Variants in ITPRID2 observed in about 807,000 individuals in gnomAD.
ITPRID2 encodes the protein ITPR interacting domain containing 2, also known as protein ITPRID2.
A neutral mutation model predicts 124.3 loss-of-function variants in ITPRID2; 60 were observed. The observed-to-expected ratio is 0.48, with a 90% confidence interval of 0.39 to 0.60. ITPRID2 has a LOEUF of 0.60. Ranked by LOEUF, ITPRID2 falls within the 20% of genes least tolerant of loss-of-function variation. The probability of loss-of-function intolerance (pLI) is 0.00; values close to 1 mark genes in which losing one functional copy is unlikely to be tolerated. For missense variants in ITPRID2, 1,553 were observed against 1,512.2 expected, an observed-to-expected ratio of 1.03 and a Z score of -0.45; for synonymous variants, 521 against 542.9, an observed-to-expected ratio of 0.96 and a Z score of 0.56.
In ITPRID2 at chr2:181,919,532, A is replaced by G; in HGVS notation, c.3144+86A>G. 1.4e-6 allele frequency: 2 copies of G among 1,405,916 alleles called. No individual in the cohort carries two copies. The highest frequency in any genetic ancestry group is 2.5e-5 in the East Asian group (1 of 40,766). 87.1% of individuals were successfully genotyped at this position (1,405,916 alleles called of 1,614,324 possible). A position where few individuals can be genotyped will look rare whatever the true frequency, so the allele number is the denominator to read the frequency against. On this transcript the variant is annotated intron_variant, in intron 14 of 17. Coordinates refer to ENST00000431877, the MANE Select transcript of ITPRID2 (RefSeq NM_001130445.3). The surrounding 1 kb of genome is among the most constrained non-coding windows in gnomAD (Gnocchi z 4.2). ...ATTTAGGACGTGTGCCTTCATTTCAAGTCATTTATTTTAATGGTATTAAAA... is the reference window on the plus strand; with the variant it reads ...ATTTAGGACGTGTGCCTTCATTTCAGGTCATTTATTTTAATGGTATTAAAA...
intron 9 of ITPRID2, among the ~76,000 whole-genome samples, chr2:181,913,268 C>A (rs913749275): frequency 1.2e-4 from 19 of 152,032 alleles, no homozygotes; most frequent in Non-Finnish European, 1.5e-5. Context: ...GGGCTTTTAC[C>A]GTGTTAGCCA....
intron 8 of ITPRID2, among the ~76,000 whole-genome samples, chr2:181,906,977 G>T (rs1415313695): frequency 6.6e-6 from 1 of 152,098 alleles, no homozygotes; most frequent in Admixed American, 6.5e-5. Context: ...ATTTTTTTGA[G>T]CTGTCATTAA....
At chr2:181,917,391 T>C (rs932801140) in intron 11 of ITPRID2, 1 of 152,234 alleles carries the variant, frequency 6.6e-6, no homozygotes, top group Non-Finnish European at 1.5e-5. Context: ...TCATGACAAT[T>C]GTCCCCTAAC....
chr2:181,913,732 A>G (rs1020734463), intron 9 of ITPRID2, 113 bp from the exon 10 acceptor site: 15 of 670,968 alleles, frequency 2.2e-5, no homozygotes, highest in Admixed American at 3.4e-5. Context: ...TGTGTATCTT[A>G]TATCTGCTGG....
rs1276791058 is a variant in ITPRID2, at chr2:181,915,502, T to C, written c.1862T>C (p.Ile621Thr). The change falls in exon 11 of 18, where the codon ATT (isoleucine) becomes ACT (threonine). Residue 621 changes from isoleucine (I) to threonine (T), a missense_variant. Ile to Thr is a moderately conservative substitution (Grantham distance 89, BLOSUM62 -1). Coordinates refer to ENST00000431877, the MANE Select transcript of ITPRID2 (RefSeq NM_001130445.3). The part of the protein sequence containing the change: ...TCSPGDHIIE[I>T]TEVEEDLFPA... The stretch of plus-strand genomic sequence containing the variant: ...AGTCCAGGGGATCATATCATTGAAA[T>C]TACTGAAGTGGAAGAGGATTTGTTT... 6.2e-7 allele frequency: 1 copy of C among 1,614,138 alleles called. No homozygotes were observed. The highest frequency in any genetic ancestry group is 8.5e-7 in the Non-Finnish European group (1 of 1,180,034).
Position 181,892,692 on chromosome 2 carries a change from G to C in ITPRID2, c.257+32G>C. The C allele has an allele frequency of 6.2e-7, 1 of 1,613,652 alleles. No homozygotes were observed. Among genetic ancestry groups the C allele is most frequent in the Non-Finnish European group, 8.5e-7 (1 of 1,179,810 alleles). ...GCTCCCTGGTCCGCCCGCGTCCCGG[G>C]GGAGATCCGTGCGGACGGGACGCCG... On this transcript the variant is annotated intron_variant, in intron 2 of 17. Transcript: ENST00000431877. The surrounding 1 kb of genome is among the most constrained non-coding windows in gnomAD (Gnocchi z 5.2).
rs973882291 is a variant in ITPRID2 at position 181,902,638 on chromosome 2, A to T, written c.1413+172A>T. ...CAAGAATTGGTCTCAGGATAATGTG[A>T]TGTCGAGGTAATGGGACAGTTCAGT... On this transcript the variant is annotated intron_variant, in intron 8 of 17. Coordinates refer to ENST00000431877, the MANE Select transcript of ITPRID2 (RefSeq NM_001130445.3). This position sits in a 1 kb window ranked among gnomAD's most constrained non-coding sequence, Gnocchi z 4.4. Among the ~76,000 whole-genome samples, 1 of 152,196 alleles carries T rather than the reference A, an allele frequency of 6.6e-6. No homozygotes were observed. Among genetic ancestry groups the T allele is most frequent in the Non-Finnish European group, 1.5e-5 (1 of 68,032 alleles).
Position 181,892,243 on chromosome 2 carries a change from C to T in ITPRID2, c.177C>T (p.Leu59=), listed in dbSNP as rs1314021699. ...QDEEEDEEED[L]PGAQLPAAGG... ...AGGAGGAGGACGAGGAGGAGGACCT[C>T]CCCGGCGCGCAGCTGCCGGCAGCGG... The change falls in exon 1 of 18, where the codon CTC becomes CTT. Residue 59 remains leucine, a synonymous_variant. Coordinates refer to ENST00000431877, the MANE Select transcript of ITPRID2 (RefSeq NM_001130445.3). This position sits in a 1 kb window ranked among gnomAD's most constrained non-coding sequence, Gnocchi z 5.2. The T allele has an allele frequency of 1.5e-5, 24 of 1,549,266 alleles. No individual in the cohort carries two copies. Among genetic ancestry groups the T allele is most frequent in the Non-Finnish European group, 2.0e-5 (23 of 1,146,298 alleles).
chr2:181,928,026 C>G, intron 16 of ITPRID2, 135 bp from the exon 17 acceptor site: 1 of 608,144 alleles, frequency 1.6e-6, no homozygotes, highest in Non-Finnish European at 2.9e-6. Context: ...TCCCCACTCC[C>G]TCTCTGTATT....
intron 2 of ITPRID2, chr2:181,894,152 A>G (rs1691991162): frequency 6.6e-6 from 1 of 152,238 alleles, no homozygotes; most frequent in Non-Finnish European, 1.5e-5. Context: ...AATTTTAAAA[A>G]TTAAGAACAA....
chr2:181,916,818 C>G, intron 11 of ITPRID2: 10 of 1,005,336 alleles, frequency 9.9e-6, no homozygotes, highest in Non-Finnish European at 1.2e-5. Context: ...AACATGTTGA[C>G]TACCTTTTCC....
Position 181,910,675 on chromosome 2 carries a change from G to T in ITPRID2, c.1486+704G>T, listed in dbSNP as rs562701037. On this transcript the variant is annotated intron_variant, in intron 9 of 17. Coordinates refer to ENST00000431877, the MANE Select transcript of ITPRID2 (RefSeq NM_001130445.3). This position sits in a 1 kb window ranked among gnomAD's most constrained non-coding sequence, Gnocchi z 4.1. ...AACTTTACACATGCTGAACCACCCT[G>T]TTTTTTTTTTAAACAAAGATTCGTA... The T allele has an allele frequency of 1.5e-4, 84 of 577,052 alleles. No homozygotes were observed. Among genetic ancestry groups the T allele is most frequent in the Admixed American group, 3.1e-4 (10 of 32,584 alleles). The allele number at this position is 577,052 out of a possible 1,614,324, so 35.7% of individuals were successfully genotyped here.
chr2:181,908,377 C>T (rs1693322105), intron 8 of ITPRID2, among the ~76,000 whole-genome samples: 1 of 152,140 alleles, frequency 6.6e-6, no homozygotes, highest in African/African-American at 2.4e-5. Flanking sequence ...ATTTTTTGAT[C>T]TGGTTGATAT....
At chr2:181,926,576 G>A (rs553123587) in intron 16 of ITPRID2, among the ~76,000 whole-genome samples, 11 of 152,054 alleles carry the variant, frequency 7.2e-5, no homozygotes, top group Non-Finnish European at 1.3e-4. Context: ...AGCCGGGCGT[G>A]GTGGCGGGTG....
intron 8 of ITPRID2, among the ~76,000 whole-genome samples, chr2:181,903,068 T>G (rs912613143): frequency 2.6e-5 from 4 of 152,216 alleles, no homozygotes; most frequent in African/African-American, 9.6e-5. Context: ...TACTTGTTAT[T>G]TGTGTCCAGT....
Position 181,892,634 on chromosome 2 carries a change from G to T in ITPRID2, c.231G>T (p.Lys77Asn). 6.2e-7 allele frequency: 1 copy of T among 1,614,146 alleles called. No individual in the cohort carries two copies. Among genetic ancestry groups the T allele is most frequent in the South Asian group, 1.1e-5 (1 of 91,070 alleles). Residue 77 changes from lysine (K) to asparagine (N), a missense_variant, in exon 2 of 18, where the codon AAG (lysine) becomes AAT (asparagine). By Grantham distance (94) the Lys-to-Asn change is moderately conservative (BLOSUM62 0). Coordinates refer to ENST00000431877, the MANE Select transcript of ITPRID2 (RefSeq NM_001130445.3). The surrounding 1 kb of genome is among the most constrained non-coding windows in gnomAD (Gnocchi z 5.2). ...CCCCAGGAAACGTGCCCAACGAGAAGATCGCGATATGGCTCAAGGACTGCC... is the reference window on the plus strand; with the variant it reads ...CCCCAGGAAACGTGCCCAACGAGAATATCGCGATATGGCTCAAGGACTGCC... ...AGGRGNVPNEKIAIWLKDCRT... is the reference protein window; with the variant it reads ...AGGRGNVPNENIAIWLKDCRT...
chr2:181,918,801 T>G lies in ITPRID2; in HGVS notation c.2912T>G (p.Phe971Cys). ...GTAATGAGGCGGAGCCTGAATTTGT[T>G]TAGAACACAAATGATGGATTTAGAA... Reference protein sequence around the residue: ...LQVMRRSLNLFRTQMMDLELA... With the variant: ...LQVMRRSLNLCRTQMMDLELA... Residue 971 changes from phenylalanine (F) to cysteine (C), a missense_variant, in exon 13 of 18, where the codon TTT (phenylalanine) becomes TGT (cysteine). By Grantham distance (205) the Phe-to-Cys change is radical. Transcript: ENST00000431877. 1.2e-6 allele frequency: 2 copies of G among 1,614,166 alleles called. No homozygotes were observed. Among genetic ancestry groups the G allele is most frequent in the Non-Finnish European group, 1.7e-6 (2 of 1,180,004 alleles).
rs912659971 is a variant in ITPRID2, at chr2:181,896,294, T to C, written c.307+215T>C. On this transcript the variant is annotated intron_variant, in intron 3 of 17. Transcript: ENST00000431877. This position sits in a 1 kb window ranked among gnomAD's most constrained non-coding sequence, Gnocchi z 4.3. ...TAGCCTTTTCACAACGTGAAACTTA[T>C]ATCTTTATTGTCCAGTTAGGTATTA... 2.0e-5 allele frequency among the ~76,000 whole-genome samples: 3 copies of C among 152,050 alleles called. No homozygotes were observed. Among genetic ancestry groups the C allele is most frequent in the Admixed American group, 1.3e-4 (2 of 15,258 alleles).
At chr2:181,912,807 T>G (rs1006098083) in intron 9 of ITPRID2, among the ~76,000 whole-genome samples, 3 of 152,208 alleles carry the variant, frequency 2.0e-5, no homozygotes, top group African/African-American at 7.2e-5. Context: ...TTAGTTGGCC[T>G]TTTTACTTAT....
Sources: gnomAD v4.1 joint callset for allele counts (sites outside exome capture counted in the v4.1 genomes callset) on GRCh38, gnomAD v4.1.1 for gene constraint, Gnocchi (gnomAD v3.1) non-coding constraint, MANE v1.5 for transcripts, NCBI Gene and HGNC (gene_info 2026-07-23, HGNC 2026-07-21) for gene names.